The following GDAP2 variants were observed in gnomAD, a reference collection of about 807,000 sequenced individuals.
GDAP2 encodes the protein ganglioside induced differentiation associated protein 2.
A neutral mutation model predicts 67.0 loss-of-function variants in GDAP2; 51 were observed. That is an observed-to-expected ratio of 0.76 (90% CI 0.61 to 0.96). The LOEUF is 0.96. Among genes scored for constraint, GDAP2 ranks in the 40% least tolerant of loss-of-function variants. The pLI is 0.00. For synonymous variants in GDAP2, 203 were observed against 207.3 expected (o/e 0.98, Z 0.18); for missense variants, 547 against 588.3 (o/e 0.93, Z 0.73).
At position 117,899,049 on chromosome 1, in the gene GDAP2, G is replaced by A. The variant is rs569193451; in HGVS notation, c.796+8C>T. The A allele has an allele frequency of 1.2e-6, 2 of 1,610,798 alleles. No individual in the cohort carries two copies. The highest frequency in any genetic ancestry group is 2.7e-5 in the African/African-American group (2 of 74,962). ...GGAGATTTAAAAAGTTAGAGCTCTA[G>A]AACTCACCTTCTGGAGCACCAGGTT... On this transcript the variant is annotated splice_region_variant and intron_variant, in intron 7 of 13. Coordinates refer to ENST00000369443, the MANE Select transcript of GDAP2 (RefSeq NM_017686.4).
intron 6 of GDAP2, 64 bp downstream of exon 6, chr1:117,906,442 A>C: frequency 1.2e-6 from 1 of 865,308 alleles, no homozygotes; most frequent in Non-Finnish European, 1.9e-6. Context: ...ATGTAGTGAC[A>C]AGCCAAAGTC....
chr1:117,900,763 CA>C (rs552813673), intron 6 of GDAP2, among the ~76,000 whole-genome samples: 3,206 of 87,536 alleles, frequency 0.037, 40 homozygotes, highest in South Asian at 0.14. Context: ...GACTCCATCT[CA>C]AAAAAAAAAA....
chr1:117,916,470 T>C (rs1249409601), intron 3 of GDAP2, among the ~76,000 whole-genome samples: 1 of 152,156 alleles, frequency 6.6e-6, no homozygotes, highest in Non-Finnish European at 1.5e-5. Context: ...GGCCACTAAA[T>C]AGTTTGAAGT....
chr1:117,906,487 G>T lies in GDAP2; in HGVS notation c.636+19C>A, dbSNP rs557269529. 2 of 1,308,786 alleles carry T rather than the reference G, an allele frequency of 1.5e-6. No homozygotes were observed. Among genetic ancestry groups the T allele is most frequent in the African/African-American group, 1.5e-5 (1 of 67,988 alleles). 81.1% of individuals were successfully genotyped at this position (1,308,786 alleles called of 1,614,324 possible). A position where few individuals can be genotyped will look rare whatever the true frequency, so the allele number is the denominator to read the frequency against. ...AAGATAGAAATAAGATTTAAATAAC[G>T]TAACAGTTAGCAAAATACCTCTTCA... On this transcript the variant is annotated intron_variant, in intron 6 of 13. Transcript: ENST00000369443.
chr1:117,907,660 A>G (rs1649704033), intron 5 of GDAP2, among the ~76,000 whole-genome samples: 1 of 151,922 alleles, frequency 6.6e-6, no homozygotes, highest in South Asian at 2.1e-4. Flanking sequence ...TTTTAATTCT[A>G]TTGCTAATAT....
Position 117,881,897 on chromosome 1 carries a change from A to G in GDAP2, c.1248-20T>C. On this transcript the variant is annotated intron_variant, in intron 11 of 13. Coordinates refer to ENST00000369443, the MANE Select transcript of GDAP2 (RefSeq NM_017686.4). ...TTGTACCTGATCCAAAAATAAAATG[A>G]CAAAAAAAATCAGTATAAGTTCATG... 6.9e-7 allele frequency: 1 copy of G among 1,448,354 alleles called. No individual in the cohort carries two copies. The highest frequency in any genetic ancestry group is 9.7e-7 in the Non-Finnish European group (1 of 1,029,126). 89.7% of individuals were successfully genotyped at this position (1,448,354 alleles called of 1,614,324 possible). A position where few individuals can be genotyped will look rare whatever the true frequency, so the allele number is the denominator to read the frequency against.
Position 117,887,686 on chromosome 1 carries a change from AT to A in GDAP2, c.1030+11del. The A allele has an allele frequency of 7.5e-7, 1 of 1,329,004 alleles. No individual in the cohort carries two copies. The highest frequency in any genetic ancestry group is 1.1e-6 in the Non-Finnish European group (1 of 920,214). 82.3% of individuals were successfully genotyped at this position (1,329,004 alleles called of 1,614,324 possible). A position where few individuals can be genotyped will look rare whatever the true frequency, so the allele number is the denominator to read the frequency against. Reference sequence around the variant, plus strand: ...TTAGTGAAAGAATAAGTTACCATATATTTAAGCTCACCTGTTTGGTATAAGG... The same window carrying A: ...TTAGTGAAAGAATAAGTTACCATATATTAAGCTCACCTGTTTGGTATAAGG... On this transcript the variant is annotated intron_variant, in intron 9 of 13. Transcript: ENST00000369443.
intron 12 of GDAP2, among the ~76,000 whole-genome samples, chr1:117,878,556 T>G (rs1648546074): frequency 6.6e-6 from 1 of 152,214 alleles, no homozygotes; most frequent in African/African-American, 2.4e-5. Context: ...AATCTCACAC[T>G]GTGAATTTTT....
chr1:117,911,919 G>A, intron 5 of GDAP2, 75 bp downstream of exon 5: 1 of 808,626 alleles, frequency 1.2e-6, no homozygotes, highest in East Asian at 2.6e-5. Context: ...GGAATTACAG[G>A]TATAAGCCAC....
chr1:117,912,526 A>T lies in GDAP2; in HGVS notation c.470+4T>A. 6.2e-7 allele frequency: 1 copy of T among 1,612,118 alleles called. No individual in the cohort carries two copies. Among genetic ancestry groups the T allele is most frequent in the Non-Finnish European group, 8.5e-7 (1 of 1,178,482 alleles). On this transcript the variant is annotated splice_donor_region_variant and intron_variant, in intron 4 of 13. Coordinates refer to ENST00000369443, the MANE Select transcript of GDAP2 (RefSeq NM_017686.4). Reference sequence around the variant, plus strand: ...GCTATGTCCAGAAAATGAGTAGACCATACTTTGCTAGTTGAAGTACGTTTC... The same window carrying T: ...GCTATGTCCAGAAAATGAGTAGACCTTACTTTGCTAGTTGAAGTACGTTTC...
chr1:117,887,402 G>A (rs925081435), intron 9 of GDAP2, among the ~76,000 whole-genome samples: 8 of 152,096 alleles, frequency 5.3e-5, no homozygotes, highest in East Asian at 3.9e-4. Flanking sequence ...ATATATTTAC[G>A]TAAGGTTTGA....
In GDAP2 at chr1:117,905,424, G is replaced by A. The variant is rs1487339250; in HGVS notation, c.636+1082C>T. Among the ~76,000 whole-genome samples, 3 of 152,048 alleles carry A rather than the reference G, an allele frequency of 2.0e-5. No homozygotes were observed. The East Asian group carries it at 5.8e-4, about 29-fold the overall frequency. ...TGCCTTTGCTCAGGCTTGTATGACC[G>A]CTGTCATTTGCCTCTCTCCCTCGGC... On this transcript the variant is annotated intron_variant, in intron 6 of 13. Transcript: ENST00000369443.
At chr1:117,877,378 C>G in intron 13 of GDAP2, 2 of 983,198 alleles carry the variant, frequency 2.0e-6, no homozygotes, top group Non-Finnish European at 2.4e-6. Context: ...GCTTGATGAG[C>G]TTTTGGCCAA....
chr1:117,907,237 C>G (rs1053169975), intron 5 of GDAP2, among the ~76,000 whole-genome samples: 4 of 152,204 alleles, frequency 2.6e-5, no homozygotes, highest in Non-Finnish European at 4.4e-5. Context: ...ATGTCCTCAT[C>G]TTTTAAAAAT....
chr1:117,925,171 G>A (rs1354115111), intron 1 of GDAP2, among the ~76,000 whole-genome samples: 1 of 152,078 alleles, frequency 6.6e-6, no homozygotes, highest in African/African-American at 2.4e-5. Context: ...ATACCAAATC[G>A]GTTGGACGCA....
intron 5 of GDAP2, among the ~76,000 whole-genome samples, chr1:117,909,077 G>C (rs772679983): frequency 2.0e-5 from 3 of 151,998 alleles, no homozygotes; most frequent in Admixed American, 6.6e-5. Context: ...TAAAGGCCAG[G>C]CCACGCTCTT....
At chr1:117,926,279 C>T (rs549734701) in intron 1 of GDAP2, among the ~76,000 whole-genome samples, 9 of 152,206 alleles carry the variant, frequency 5.9e-5, no homozygotes, top group Non-Finnish European at 1.2e-4. Flanking sequence ...ATTTTATCCA[C>T]ATTTATTACT....
At position 117,867,071 on chromosome 1, in the gene GDAP2, G is replaced by T. The variant is rs1276583431; in HGVS notation, c.*3498C>A. 6.6e-6 allele frequency: 1 copy of T among 151,968 alleles called. No individual in the cohort carries two copies. Among genetic ancestry groups the T allele is most frequent in the African/African-American group, 2.4e-5 (1 of 41,386 alleles). The allele number at this position is 151,968 out of a possible 1,614,324, so 9.4% of individuals were successfully genotyped here. On this transcript the variant is annotated 3_prime_UTR_variant, in exon 14 of 14. Transcript: ENST00000369443. ...TTTAAACTCTATATACATACATACT[G>T]TCAATGTATCGGGGAAATACAAAGA...
intron 6 of GDAP2, among the ~76,000 whole-genome samples, chr1:117,904,228 A>G (rs1274738622): frequency 1.3e-5 from 2 of 152,086 alleles, no homozygotes; most frequent in African/African-American, 4.8e-5. Flanking sequence ...ACCTCTGGTG[A>G]TCCACCTGCC....
Sources: gnomAD v4.1 joint callset for allele counts (sites outside exome capture counted in the v4.1 genomes callset) on GRCh38, gnomAD v4.1.1 for gene constraint, MANE v1.5 for transcripts, NCBI Gene and HGNC (gene_info 2026-07-23, HGNC 2026-07-21) for gene names.